The following ITGAD variants were observed in gnomAD, a reference collection of about 807,000 sequenced individuals.
ITGAD encodes integrin subunit alpha D.
ITGAD carries 105 observed loss-of-function variants against 139.0 expected under a neutral mutation model. That is an observed-to-expected ratio of 0.76 (90% CI 0.65 to 0.89). ITGAD has a LOEUF of 0.89. Among genes scored for constraint, ITGAD ranks in the 40% least tolerant of loss-of-function variants. The pLI, the probability that ITGAD is intolerant of heterozygous loss-of-function variation, is 0.00. For synonymous variants in ITGAD, 569 were observed against 598.3 expected (o/e 0.95, Z 0.71); for missense variants, 1,384 against 1,487.3 (o/e 0.93, Z 1.14).
intron 23 of ITGAD, among the ~76,000 whole-genome samples, chr16:31,421,831 G>A (rs1166924083): frequency 6.6e-6 from 1 of 152,172 alleles, no homozygotes; most frequent in African/African-American, 2.4e-5. Context: ...CATGTTTTTA[G>A]TCATCAGGCT....
At chr16:31,424,040 C>T in intron 27 of ITGAD, 62 bp from the exon 28 acceptor site, 1 of 1,606,540 alleles carries the variant, frequency 6.2e-7, no homozygotes, top group African/African-American at 1.3e-5. Flanking sequence ...AGCCAGGGCA[C>T]CCCCGAAGCT....
chr16:31,402,116 G>A lies in ITGAD; in HGVS notation c.429G>A (p.Glu143=), dbSNP rs1195022731. 3.1e-6 allele frequency: 5 copies of A among 1,613,536 alleles called. No individual in the cohort carries two copies. ...IIQTVPDATP[E]CPHQEMDIVF... Reference sequence around the variant, plus strand: ...CGATTCCTCCCCATTCCCCCACAGAGTGTCCACATCAAGAGATGGACATCG... The same window carrying A: ...CGATTCCTCCCCATTCCCCCACAGAATGTCCACATCAAGAGATGGACATCG... Residue 143 remains glutamate (E), a splice_region_variant and synonymous_variant, in exon 6 of 30, where the codon GAG becomes GAA. Transcript: ENST00000389202.
intron 20 of ITGAD, among the ~76,000 whole-genome samples, chr16:31,417,704 G>T (rs963164393): frequency 3.3e-5 from 5 of 152,102 alleles, no homozygotes; most frequent in African/African-American, 4.8e-5. Context: ...CAGCACTTTG[G>T]GAGGCCAAGG....
intron 2 of ITGAD, 39 bp from the exon 3 acceptor site, chr16:31,397,320 C>T (rs773071791): frequency 5.0e-6 from 7 of 1,413,078 alleles, no homozygotes; most frequent in Non-Finnish European, 6.8e-6. Flanking sequence ...TCCCACCCCT[C>T]CTGTGGCTGC....
Position 31,414,916 on chromosome 16 carries a change from G to A in ITGAD, c.2208G>A (p.Val736=), listed in dbSNP as rs767782335. The A allele has an allele frequency of 3.1e-6, 5 of 1,614,030 alleles. No homozygotes were observed. The African/African-American group carries it at 4.0e-5, about 13-fold the overall frequency. The change falls in exon 18 of 30, where the codon GTG becomes GTA. Residue 736 remains valine (V), a synonymous_variant. Coordinates refer to ENST00000389202, the MANE Select transcript of ITGAD (RefSeq NM_005353.3). The part of the protein sequence containing the change: ...PIILHLNFSL[V]REPIPSPQNL... Reference sequence around the variant, plus strand: ...TTCTGCACCTCAACTTCTCACTGGTGAGAGAGCCCATCCCCTCCCCCCAGA... The same window carrying A: ...TTCTGCACCTCAACTTCTCACTGGTAAGAGAGCCCATCCCCTCCCCCCAGA...
At position 31,403,728 on chromosome 16, in the gene ITGAD, C is replaced by A; in HGVS notation, c.704+83C>A. ...GGGTCAGCACAGCTCTTCTCAGAGGCTGAGGGAGGCTCCAGGGAAAGGGGC... is the reference window on the plus strand; with the variant it reads ...GGGTCAGCACAGCTCTTCTCAGAGGATGAGGGAGGCTCCAGGGAAAGGGGC... On this transcript the variant is annotated intron_variant, in intron 7 of 29. Coordinates refer to ENST00000389202, the MANE Select transcript of ITGAD (RefSeq NM_005353.3). The surrounding 1 kb of genome is among the most constrained non-coding windows in gnomAD (Gnocchi z 4.4). 6.5e-7 allele frequency: 1 copy of A among 1,532,862 alleles called. No individual in the cohort carries two copies. The highest frequency in any genetic ancestry group is 8.9e-7 in the Non-Finnish European group (1 of 1,118,802). The allele number at this position is 1,532,862 out of a possible 1,614,324, so 95.0% of individuals were successfully genotyped here.
intron 1 of ITGAD, 39 bp downstream of exon 1, chr16:31,393,430 G>T: frequency 6.2e-7 from 1 of 1,611,384 alleles, no homozygotes; most frequent in Non-Finnish European, 8.5e-7. Flanking sequence ...GCTTGGAGGA[G>T]TTCTGAGGGG....
chr16:31,410,354 C>A, intron 10 of ITGAD, 41 bp from the exon 11 acceptor site: 1 of 1,612,800 alleles, frequency 6.2e-7, no homozygotes, highest in African/African-American at 1.3e-5. Flanking sequence ...GCTGTCTTCC[C>A]GCTCTAGTCT....
intron 2 of ITGAD, among the ~76,000 whole-genome samples, chr16:31,397,116 A>G (rs762144670): frequency 7.1e-6 from 1 of 141,420 alleles, no homozygotes; most frequent in South Asian, 2.2e-4. Flanking sequence ...AGAAATTTCT[A>G]AACATAAATA....
Position 31,414,442 on chromosome 16 carries a change from G to C in ITGAD, c.1997-9G>C, listed in dbSNP as rs776884977. Reference sequence around the variant, plus strand: ...GCCTTTTCATTTTGCACTCTCCCCTGCACTTCAGGTGACATCCAAAGCTCT... The same window carrying C: ...GCCTTTTCATTTTGCACTCTCCCCTCCACTTCAGGTGACATCCAAAGCTCT... On this transcript the variant is annotated splice_polypyrimidine_tract_variant and intron_variant, in intron 16 of 29. Transcript: ENST00000389202. The C allele has an allele frequency of 6.2e-7, 1 of 1,613,186 alleles. No individual in the cohort carries two copies. The highest frequency in any genetic ancestry group is 1.1e-5 in the South Asian group (1 of 91,038).
At chr16:31,393,918 G>A (rs2081200020) in intron 1 of ITGAD, among the ~76,000 whole-genome samples, 1 of 152,048 alleles carries the variant, frequency 6.6e-6, no homozygotes. Flanking sequence ...ATCCCCTGAG[G>A]TCAGGAGTTT....
intron 29 of ITGAD, among the ~76,000 whole-genome samples, chr16:31,425,233 G>A (rs2082089663): frequency 6.6e-6 from 1 of 151,790 alleles, no homozygotes; most frequent in Admixed American, 6.6e-5. Context: ...CACCACACCT[G>A]GCTATTTTTT....
chr16:31,407,515 GAC>G lies in ITGAD; in HGVS notation c.709_710del (p.Gln237AlafsTer5), dbSNP rs756158943. ...FTATGILTVVTQLFHHKNGAR... is the reference protein window; with the variant it reads ...FTATGILTVVXQLFHHKNGAR... ...GTCATCTTCCTTTCCTCCCCGACAGGACACAGCTATTTCATCATAAGAATGGG... is the reference window on the plus strand; with the variant it reads ...GTCATCTTCCTTTCCTCCCCGACAGGACAGCTATTTCATCATAAGAATGGG... On this transcript the variant is annotated frameshift_variant and splice_region_variant, in exon 8 of 30. Coordinates refer to ENST00000389202, the MANE Select transcript of ITGAD (RefSeq NM_005353.3). LOFTEE classifies it high-confidence loss of function. The G allele has an allele frequency of 1.1e-5, 17 of 1,582,414 alleles. No homozygotes were observed. The highest frequency in any genetic ancestry group is 1.1e-5 in the Non-Finnish European group (13 of 1,162,958).
intron 28 of ITGAD, 82 bp downstream of exon 28, chr16:31,424,285 A>G: frequency 6.5e-7 from 1 of 1,546,942 alleles, no homozygotes. Context: ...GGGGGTTTGC[A>G]AGCCTTGCGG....
At chr16:31,425,667 CTCTTTTCTTTT>C (rs957986556) in intron 29 of ITGAD, among the ~76,000 whole-genome samples, 3 of 151,680 alleles carry the variant, frequency 2.0e-5, no homozygotes, top group Non-Finnish European at 4.4e-5. Flanking sequence ...TCTTTTCTTT[CTCTTTTCTTTT>C]TCTTCTTCTT....
rs544113602 is a variant in ITGAD at position 31,410,318 on chromosome 16, G to A, written c.1084-77G>A. On this transcript the variant is annotated intron_variant, in intron 10 of 29. Transcript: ENST00000389202. Reference sequence around the variant, plus strand: ...GAAAAGCCTGGATGGCGAGTGATGCGGGTGGCAGGCGTGTCTCTGGGATAT... The same window carrying A: ...GAAAAGCCTGGATGGCGAGTGATGCAGGTGGCAGGCGTGTCTCTGGGATAT... The A allele has an allele frequency of 1.7e-5, 27 of 1,588,116 alleles. No individual in the cohort carries two copies. In the East Asian group the frequency reaches 3.4e-4, roughly 20 times the overall value.
chr16:31,408,844 G>C (rs906096262), intron 10 of ITGAD, among the ~76,000 whole-genome samples: 11 of 152,216 alleles, frequency 7.2e-5, no homozygotes, highest in African/African-American at 2.7e-4. Context: ...GACAAAGCAA[G>C]TGCCAAGGTC....
chr16:31,416,658 T>C lies in ITGAD; in HGVS notation c.2499+12T>C. 5 of 1,597,414 alleles carry C rather than the reference T, an allele frequency of 3.1e-6. No individual in the cohort carries two copies. The highest frequency in any genetic ancestry group is 4.3e-6 in the Non-Finnish European group (5 of 1,167,112). On this transcript the variant is annotated intron_variant, in intron 20 of 29. Coordinates refer to ENST00000389202, the MANE Select transcript of ITGAD (RefSeq NM_005353.3). Reference sequence around the variant, plus strand: ...TGTCAGGAGCCCAGGTAACAACTGCTGTAGGCTCTAGTGGGAGGGGGCCTC... The same window carrying C: ...TGTCAGGAGCCCAGGTAACAACTGCCGTAGGCTCTAGTGGGAGGGGGCCTC...
chr16:31,412,552 C>A (rs549252167), intron 14 of ITGAD, among the ~76,000 whole-genome samples: 1 of 152,260 alleles, frequency 6.6e-6, no homozygotes, highest in African/African-American at 2.4e-5. Flanking sequence ...TTGCCCACGG[C>A]CTCGTGGCTC....
Sources: allele counts gnomAD v4.1 joint callset (sites outside exome capture counted in the v4.1 genomes callset), GRCh38; gene constraint gnomAD v4.1.1; non-coding constraint Gnocchi (gnomAD v3.1); transcripts MANE v1.5; gene names NCBI Gene and HGNC (gene_info 2026-07-23, HGNC 2026-07-21).